Variants in GPR132 observed in about 807,000 individuals in gnomAD.
GPR132 encodes the protein G protein-coupled receptor 132.
In GPR132, 4 loss-of-function variants were observed where a neutral mutation model predicts 1.9. That is an observed-to-expected ratio of 2.13 (90% CI 1.05 to 4.87). The LOEUF (loss-of-function observed/expected upper bound fraction) is 4.87, where lower values mean the gene tolerates loss of function less well. GPR132 is among the 30% of genes most tolerant of loss of function. The pLI, the probability that GPR132 is intolerant of heterozygous loss-of-function variation, is 0.01. For synonymous variants in GPR132, 233 were observed against 234.2 expected (o/e 0.99, Z 0.05); for missense variants, 404 against 512.5 (o/e 0.79, Z 2.04).
rs375972742 is a variant in GPR132 at position 105,059,525 on chromosome 14, G to A, written c.-860-2245C>T. ...TGCATATTCTGATGCCTCCTTTGGAGAGACTTATCAGAAACTGAAAACAAT... is the reference window on the plus strand; with the variant it reads ...TGCATATTCTGATGCCTCCTTTGGAAAGACTTATCAGAAACTGAAAACAAT... On this transcript the variant is annotated intron_variant, in intron 1 of 3. Coordinates refer to ENST00000329797, the MANE Select transcript of GPR132 (RefSeq NM_013345.4). This position sits in a 1 kb window ranked among gnomAD's most constrained non-coding sequence, Gnocchi z 4.2. Among the ~76,000 whole-genome samples the A allele has an allele frequency of 6.6e-5, 10 of 152,210 alleles. No individual in the cohort carries two copies. In the South Asian group the frequency reaches 1.7e-3, roughly 25 times the overall value.
In GPR132 at chr14:105,059,005, T is replaced by G. The variant is rs1886872375; in HGVS notation, c.-860-1725A>C. 6.6e-6 allele frequency among the ~76,000 whole-genome samples: 1 copy of G among 152,204 alleles called. No homozygotes were observed. The highest frequency in any genetic ancestry group is 1.5e-5 in the Non-Finnish European group (1 of 68,020). On this transcript the variant is annotated intron_variant, in intron 1 of 3. Coordinates refer to ENST00000329797, the MANE Select transcript of GPR132 (RefSeq NM_013345.4). The surrounding 1 kb of genome is among the most constrained non-coding windows in gnomAD (Gnocchi z 4.2). The stretch of plus-strand genomic sequence containing the variant: ...AGGCTGAGCCTGGCGGCTGCCTCAC[T>G]AGCTCCAATCCTGCCTCCCTGGTGC...
chr14:105,053,856 C>A, intron 3 of GPR132: 1 of 925,906 alleles, frequency 1.1e-6, no homozygotes, highest in Non-Finnish European at 1.4e-6. Flanking sequence ...ATCTGGTGGG[C>A]CCAATGGAAT....
At chr14:105,053,147 C>CTTTTTT (rs1162515395) in intron 3 of GPR132, among the ~76,000 whole-genome samples, 4 of 98,986 alleles carry the variant, frequency 4.0e-5, no homozygotes, top group Non-Finnish European at 7.6e-5. Flanking sequence ...AACCTGTAGT[C>CTTTTTT]TTTTTTTTTT....
rs759600274 is a variant in GPR132 at position 105,051,722 on chromosome 14, C to T, written c.415G>A (p.Asp139Asn). The change falls in exon 4 of 4, where the codon GAC (aspartate) becomes AAC (asparagine). Residue 139 changes from aspartate to asparagine, a missense_variant. Transcript: ENST00000329797. This position sits in a 1 kb window ranked among gnomAD's most constrained non-coding sequence, Gnocchi z 8.0. ...SILFLCCISC[D>N]RFVAVVYALE... The stretch of plus-strand genomic sequence containing the variant: ...GCGTACACCACGGCCACGAAGCGGT[C>T]GCAGGAGATGCAGCACAGGAAGAGG... 4.3e-6 allele frequency: 7 copies of T among 1,613,894 alleles called. No homozygotes were observed. Among genetic ancestry groups the T allele is most frequent in the South Asian group, 3.3e-5 (3 of 91,078 alleles).
At chr14:105,064,491 G>A (rs531218081) in intron 1 of GPR132, among the ~76,000 whole-genome samples, 43 of 152,020 alleles carry the variant, frequency 2.8e-4, no homozygotes, top group Middle Eastern at 3.4e-3. Flanking sequence ...GTGCCAACAC[G>A]CCCGGCTAAT....
intron 1 of GPR132, among the ~76,000 whole-genome samples, chr14:105,058,583 A>G (rs144999598): frequency 1.3e-5 from 2 of 152,368 alleles, no homozygotes; most frequent in Non-Finnish European, 2.9e-5. Flanking sequence ...AAAATTTTGC[A>G]ATATGTTTCC....
intron 1 of GPR132, among the ~76,000 whole-genome samples, chr14:105,063,536 C>T (rs1481286381): frequency 1.3e-5 from 2 of 151,884 alleles, no homozygotes; most frequent in Non-Finnish European, 2.9e-5. Flanking sequence ...CCACCATGCC[C>T]GGCTAATTTT....
Position 105,050,652 on chromosome 14 carries a change from A to G in GPR132, c.*342T>C. On this transcript the variant is annotated 3_prime_UTR_variant, in exon 4 of 4. Transcript: ENST00000329797. This position sits in a 1 kb window ranked among gnomAD's most constrained non-coding sequence, Gnocchi z 4.0. ...AAATAAAGTCATCGCCACTGATGCGAACAGGGCAGCCACCAGGTACCTCTG... is the reference window on the plus strand; with the variant it reads ...AAATAAAGTCATCGCCACTGATGCGGACAGGGCAGCCACCAGGTACCTCTG... 1 of 384,918 alleles carries G rather than the reference A, an allele frequency of 2.6e-6. No homozygotes were observed. Among genetic ancestry groups the G allele is most frequent in the Non-Finnish European group, 4.8e-6 (1 of 208,612 alleles). 23.8% of individuals were successfully genotyped at this position (384,918 alleles called of 1,614,324 possible).
At chr14:105,057,311 G>T in intron 1 of GPR132, 31 bp from the exon 2 acceptor site, 1 of 679,840 alleles carries the variant, frequency 1.5e-6, no homozygotes, top group Admixed American at 2.4e-5. Flanking sequence ...AATTGTTTTA[G>T]GGAAATCAGA....
rs1886616349 is a variant in GPR132, at chr14:105,050,921, G to A, written c.*73C>T. On this transcript the variant is annotated 3_prime_UTR_variant, in exon 4 of 4. Transcript: ENST00000329797. The surrounding 1 kb of genome is among the most constrained non-coding windows in gnomAD (Gnocchi z 4.0). ...AGGGGACATGGGCACTGTGGCTGGT[G>A]GGCTCAGTGCACAGGAACCACATTG... 1 of 1,368,474 alleles carries A rather than the reference G, an allele frequency of 7.3e-7. No homozygotes were observed. The highest frequency in any genetic ancestry group is 1.0e-6 in the Non-Finnish European group (1 of 981,904). The allele number at this position is 1,368,474 out of a possible 1,614,324, so 84.8% of individuals were successfully genotyped here.
chr14:105,052,030 A>G lies in GPR132; in HGVS notation c.107T>C (p.Val36Ala). ...GACTATCCTGCTCTCTTCGAAGGACACGTTGTTGCAGGTCTTGGCGGAGAG... is the reference window on the plus strand; with the variant it reads ...GACTATCCTGCTCTCTTCGAAGGACGCGTTGTTGCAGGTCTTGGCGGAGAG... ...LGLSAKTCNNVSFEESRIVLV... is the reference protein window; with the variant it reads ...LGLSAKTCNNASFEESRIVLV... Residue 36 changes from valine to alanine, a missense_variant, in exon 4 of 4, where the codon GTG (valine) becomes GCG (alanine). By Grantham distance (64) the Val-to-Ala change is moderately conservative. Coordinates refer to ENST00000329797, the MANE Select transcript of GPR132 (RefSeq NM_013345.4). The G allele has an allele frequency of 6.2e-7, 1 of 1,608,846 alleles. No homozygotes were observed. Among genetic ancestry groups the G allele is most frequent in the Non-Finnish European group, 8.5e-7 (1 of 1,179,060 alleles).
Position 105,051,931 on chromosome 14 carries a change from A to T in GPR132, c.206T>A (p.Leu69Gln), listed in dbSNP as rs777585815. The change falls in exon 4 of 4, where the codon CTG (leucine) becomes CAG (glutamine). Residue 69 changes from leucine to glutamine, a missense_variant. By Grantham distance (113) the Leu-to-Gln change is moderately radical. Coordinates refer to ENST00000329797, the MANE Select transcript of GPR132 (RefSeq NM_013345.4). The surrounding 1 kb of genome is among the most constrained non-coding windows in gnomAD (Gnocchi z 8.0). ...CAGCACGTTGCCCTGCAGTACCTGC[A>T]GCAGCGCCAGCCACGCAGTCAGGCA... Reference protein sequence around the residue: ...ANCLTAWLALLQVLQGNVLAV... With the variant: ...ANCLTAWLALQQVLQGNVLAV... 3.0e-5 allele frequency: 49 copies of T among 1,613,428 alleles called. No homozygotes were observed. Among genetic ancestry groups the T allele is most frequent in the Non-Finnish European group, 3.8e-5 (45 of 1,179,942 alleles).
intron 1 of GPR132, among the ~76,000 whole-genome samples, chr14:105,062,311 C>T (rs1319115982): frequency 6.6e-6 from 1 of 152,150 alleles, no homozygotes; most frequent in Non-Finnish European, 1.5e-5. Flanking sequence ...TGTCCCTGTC[C>T]AGCTCCATCT....
Position 105,051,706 on chromosome 14 carries a change from A to G in GPR132, c.431T>C (p.Val144Ala). 1 of 1,613,998 alleles carries G rather than the reference A, an allele frequency of 6.2e-7. No homozygotes were observed. Among genetic ancestry groups the G allele is most frequent in the Non-Finnish European group, 8.5e-7 (1 of 1,180,028 alleles). Residue 144 changes from valine to alanine, a missense_variant, in exon 4 of 4, where the codon GTG (valine) becomes GCG (alanine). Transcript: ENST00000329797. This position sits in a 1 kb window ranked among gnomAD's most constrained non-coding sequence, Gnocchi z 8.0. ...CCISCDRFVA[V>A]VYALESRGRR... ...GCCCCGACTCTCCAGCGCGTACACC[A>G]CGGCCACGAAGCGGTCGCAGGAGAT...
chr14:105,053,147 CTT>C (rs1162515395), intron 3 of GPR132, among the ~76,000 whole-genome samples: 3 of 99,008 alleles, frequency 3.0e-5, no homozygotes, highest in East Asian at 3.7e-4. Context: ...AACCTGTAGT[CTT>C]TTTTTTTTTT....
intron 1 of GPR132, among the ~76,000 whole-genome samples, chr14:105,058,333 C>T (rs1310631693): frequency 6.6e-6 from 1 of 152,078 alleles, no homozygotes; most frequent in Non-Finnish European, 1.5e-5. Flanking sequence ...TGCACTCCGG[C>T]CTGGCTACAG....
At chr14:105,054,162 G>A (rs1260235920) in intron 3 of GPR132, 1 of 1,272,016 alleles carries the variant, frequency 7.9e-7, no homozygotes, top group South Asian at 1.3e-5. Context: ...CCTGGCCTCA[G>A]CACCTGACGG....
At position 105,050,428 on chromosome 14, in the gene GPR132, G is replaced by A. The variant is rs1419645427; in HGVS notation, c.*566C>T. On this transcript the variant is annotated 3_prime_UTR_variant, in exon 4 of 4. Coordinates refer to ENST00000329797, the MANE Select transcript of GPR132 (RefSeq NM_013345.4). The surrounding 1 kb of genome is among the most constrained non-coding windows in gnomAD (Gnocchi z 4.0). ...CACCCTGCCCCACGGTTCCCTAGAG[G>A]CCCTCCAGCTCAGCACAGACCCAAC... The A allele has an allele frequency of 6.5e-6, 1 of 153,894 alleles. No individual in the cohort carries two copies. Among genetic ancestry groups the A allele is most frequent in the Admixed American group, 6.5e-5 (1 of 15,444 alleles). 9.5% of individuals were successfully genotyped at this position (153,894 alleles called of 1,614,324 possible).
At chr14:105,064,793 T>C (rs1887040036) in intron 1 of GPR132, among the ~76,000 whole-genome samples, 1 of 152,194 alleles carries the variant, frequency 6.6e-6, no homozygotes, top group East Asian at 1.9e-4. Flanking sequence ...ACAGAAGGTA[T>C]TGGGCCCCCC....
Sources: allele counts gnomAD v4.1 joint callset (sites outside exome capture counted in the v4.1 genomes callset), GRCh38; gene constraint gnomAD v4.1.1; non-coding constraint Gnocchi (gnomAD v3.1); transcripts MANE v1.5; gene names NCBI Gene and HGNC (gene_info 2026-07-23, HGNC 2026-07-21).